ADGRV1: variants seen among roughly 807,000 people sequenced by gnomAD.
ADGRV1 encodes G-protein coupled receptor 98.
Under a neutral mutation model 596.2 loss-of-function variants are expected in ADGRV1, and 359 were observed. The observed-to-expected ratio is 0.60, with a 90% confidence interval of 0.55 to 0.66. The LOEUF (loss-of-function observed/expected upper bound fraction) is 0.66, where lower values mean the gene tolerates loss of function less well. ADGRV1 is among the 30% of genes least tolerant of loss of function. ADGRV1 has a pLI of 0.00. For synonymous variants in ADGRV1, 2,681 were observed against 2,679.2 expected (o/e 1.00, Z -0.02); for missense variants, 7,274 against 7,575.6 (o/e 0.96, Z 1.48).
intron 86 of ADGRV1, among the ~76,000 whole-genome samples, chr5:91,099,833 A>G (rs1791213415): frequency 6.6e-6 from 1 of 152,212 alleles, no homozygotes; most frequent in Admixed American, 6.5e-5. Flanking sequence ...GAATTTCAAT[A>G]TATAGAGATA....
Position 90,629,252 on chromosome 5 carries a change from AT to A in ADGRV1, c.1553del (p.Ile518LysfsTer22). ...IQDSDDVYGL[I>X]TFFPMENQKI... ...GGATAGTGATGATGTCTATGGCCTAATAACATTTTTTCCTATGGAAAACCAG... is the reference window on the plus strand; with the variant it reads ...GGATAGTGATGATGTCTATGGCCTAAAACATTTTTTCCTATGGAAAACCAG... On this transcript the variant is annotated frameshift_variant, in exon 9 of 90. Transcript: ENST00000405460. LOFTEE classifies it high-confidence loss of function. 1 of 1,611,396 alleles carries A rather than the reference AT, an allele frequency of 6.2e-7. No individual in the cohort carries two copies. The highest frequency in any genetic ancestry group is 8.5e-7 in the Non-Finnish European group (1 of 1,178,740).
At chr5:90,643,117 T>A in intron 13 of ADGRV1, 76 bp downstream of exon 13, 1 of 1,263,198 alleles carries the variant, frequency 7.9e-7, no homozygotes, top group Non-Finnish European at 1.1e-6. Flanking sequence ...ATAAATATTT[T>A]GAATATTGGC....
At chr5:90,823,370 T>G in intron 75 of ADGRV1, 55 bp from the exon 76 acceptor site, 2 of 1,542,812 alleles carry the variant, frequency 1.3e-6, no homozygotes, top group South Asian at 1.2e-5. Context: ...ATAAACTCTA[T>G]TAGACATGGG....
chr5:91,017,825 A>G (rs1783301048), intron 85 of ADGRV1, among the ~76,000 whole-genome samples: 1 of 151,914 alleles, frequency 6.6e-6, no homozygotes, highest in African/African-American at 2.4e-5. Flanking sequence ...CCTGGGTGTC[A>G]GCACTTTGAA....
rs189784508 is a variant in ADGRV1 at position 90,686,674 on chromosome 5, T to G, written c.6490+679T>G. Among the ~76,000 whole-genome samples the G allele has an allele frequency of 2.2e-3, 340 of 152,332 alleles. 3 individuals carry two copies. The highest frequency in any genetic ancestry group is 7.2e-3 in the African/African-American group (298 of 41,554). On this transcript the variant is annotated intron_variant, in intron 29 of 89. Transcript: ENST00000405460. ...ATTGTGAATAGTGCCGCAATAAACA[T>G]ACGTGTGCATGTGTCTTTATAGCTG... is the stretch of plus-strand genomic sequence containing the variant.
Position 90,646,105 on chromosome 5 carries a change from C to T in ADGRV1, c.3022+14C>T. 6.5e-7 allele frequency: 1 copy of T among 1,530,930 alleles called. No homozygotes were observed. The highest frequency in any genetic ancestry group is 1.3e-5 in the South Asian group (1 of 78,154). 94.8% of individuals were successfully genotyped at this position (1,530,930 alleles called of 1,614,324 possible). On this transcript the variant is annotated intron_variant, in intron 16 of 89. Transcript: ENST00000405460. ...TTTATTTTGCAGGTGGTATTGCTGTCTTATTTGAATGAGTTTACATATTTC... is the reference window on the plus strand; with the variant it reads ...TTTATTTTGCAGGTGGTATTGCTGTTTTATTTGAATGAGTTTACATATTTC...
intron 86 of ADGRV1, among the ~76,000 whole-genome samples, chr5:91,085,619 A>C (rs763973145): frequency 4.6e-5 from 7 of 152,160 alleles, no homozygotes; most frequent in Non-Finnish European, 1.0e-4. Context: ...TGAGAAAGTA[A>C]GTAGCTCATT....
chr5:90,707,003 A>G (rs1382881285), intron 38 of ADGRV1, among the ~76,000 whole-genome samples: 2 of 152,076 alleles, frequency 1.3e-5, no homozygotes, highest in African/African-American at 2.4e-5. Flanking sequence ...TTGAGATGCC[A>G]TAGACCTAAG....
chr5:90,738,260 A>G (rs1278692366), intron 50 of ADGRV1, among the ~76,000 whole-genome samples: 1 of 151,926 alleles, frequency 6.6e-6, no homozygotes, highest in African/African-American at 2.4e-5. Flanking sequence ...TTTTTTTTGT[A>G]ATTTGTATTT....
Position 90,638,625 on chromosome 5 carries a change from C to T in ADGRV1, c.2240+677C>T, listed in dbSNP as rs193222865. ...TTTAATAATTCTAAAAAATCAGAAT[C>T]AGTCTTATCCCTAACACAAGTCTCT... On this transcript the variant is annotated intron_variant, in intron 11 of 89. Coordinates refer to ENST00000405460, the MANE Select transcript of ADGRV1 (RefSeq NM_032119.4). 3.1e-4 allele frequency among the ~76,000 whole-genome samples: 47 copies of T among 151,586 alleles called. 1 individual carries two copies. Among genetic ancestry groups the T allele is most frequent in the Admixed American group, 2.0e-4 (3 of 15,208 alleles).
chr5:90,973,272 T>G (rs1779228438), intron 84 of ADGRV1, among the ~76,000 whole-genome samples: 1 of 152,062 alleles, frequency 6.6e-6, no homozygotes, highest in Non-Finnish European at 1.5e-5. Flanking sequence ...CTACCAGAGG[T>G]ACAAGGAGGA....
At chr5:91,087,296 T>G (rs1362900765) in intron 86 of ADGRV1, among the ~76,000 whole-genome samples, 1 of 150,580 alleles carries the variant, frequency 6.6e-6, no homozygotes, top group Non-Finnish European at 1.5e-5. Context: ...TTTGTTGTTG[T>G]TTTTTGTTTT....
In ADGRV1 at chr5:90,753,793, G is replaced by A. The variant is rs1755531368; in HGVS notation, c.11341G>A (p.Ala3781Thr). 1 of 1,611,194 alleles carries A rather than the reference G, an allele frequency of 6.2e-7. No individual in the cohort carries two copies. The highest frequency in any genetic ancestry group is 1.7e-5 in the Admixed American group (1 of 59,556). ...ACCTTTTGGCTTGGTGGGCTGGCGT[G>A]CTGCGTCTGTCTTCATTAGAGTAGC... The part of the protein sequence containing the change: ...DSPFGLVGWR[A>T]ASVFIRVAEP... Residue 3781 changes from alanine to threonine, a missense_variant, in exon 54 of 90, where the codon GCT (alanine) becomes ACT (threonine). By Grantham distance (58) the Ala-to-Thr change is moderately conservative. Coordinates refer to ENST00000405460, the MANE Select transcript of ADGRV1 (RefSeq NM_032119.4).
intron 36 of ADGRV1, 59 bp from the exon 37 acceptor site, chr5:90,705,341 T>A: frequency 7.1e-7 from 1 of 1,406,080 alleles, no homozygotes; most frequent in Non-Finnish European, 1.0e-6. Flanking sequence ...TGAGGCTATG[T>A]TTCCAGCGAT....
chr5:90,685,597 T>TATAAATAAATAAATAAATAAATAA (rs138476984), intron 28 of ADGRV1, among the ~76,000 whole-genome samples, 183 bp from the exon 29 acceptor site: 1 of 142,248 alleles, frequency 7.0e-6, no homozygotes, highest in Non-Finnish European at 1.5e-5. Context: ...AGTCCATCTC[T>TATAAATAAATAAATAAATAAATAA]ATAAATAAAT....
intron 83 of ADGRV1, among the ~76,000 whole-genome samples, chr5:90,881,932 C>T (rs1423822092): frequency 1.3e-5 from 2 of 151,982 alleles, no homozygotes; most frequent in Admixed American, 1.3e-4. Context: ...TGGTCTCCAC[C>T]TCCTGGATTC....
intron 1 of ADGRV1, among the ~76,000 whole-genome samples, chr5:90,604,753 GA>G (rs985181529): frequency 6.6e-6 from 1 of 152,042 alleles, no homozygotes; most frequent in Non-Finnish European, 1.5e-5. Flanking sequence ...TAAAAGACAA[GA>G]GTTATCTTAC....
intron 86 of ADGRV1, among the ~76,000 whole-genome samples, chr5:91,075,497 A>T (rs1263420337): frequency 6.6e-6 from 1 of 152,190 alleles, no homozygotes; most frequent in Non-Finnish European, 1.5e-5. Context: ...AGCATTGAAT[A>T]TAAGGCAAAA....
chr5:90,592,472 G>A lies in ADGRV1; in HGVS notation c.23-22363G>A, dbSNP rs1211570790. ...TTGGAAAGGGTGGTAGGAGGGTGAGGGATAAAAGACTACACGTTGGGTTTA... is the reference window on the plus strand; with the variant it reads ...TTGGAAAGGGTGGTAGGAGGGTGAGAGATAAAAGACTACACGTTGGGTTTA... On this transcript the variant is annotated intron_variant, in intron 1 of 89. Coordinates refer to ENST00000405460, the MANE Select transcript of ADGRV1 (RefSeq NM_032119.4). Among the ~76,000 whole-genome samples the A allele has an allele frequency of 6.6e-5, 10 of 151,784 alleles. 1 individual carries two copies. Among genetic ancestry groups the A allele is most frequent in the Non-Finnish European group, 1.5e-5 (1 of 68,018 alleles).
Sources: gnomAD v4.1 joint callset for allele counts (sites outside exome capture counted in the v4.1 genomes callset) on GRCh38, gnomAD v4.1.1 for gene constraint, MANE v1.5 for transcripts, NCBI Gene and HGNC (gene_info 2026-07-23, HGNC 2026-07-21) for gene names.